Variants in RPL35A observed in about 807,000 individuals in gnomAD.
RPL35A encodes large ribosomal subunit protein eL33.
A neutral mutation model predicts 16.7 loss-of-function variants in RPL35A; 1 was observed. That is an observed-to-expected ratio of 0.06 (90% CI 0.02 to 0.28). The LOEUF (loss-of-function observed/expected upper bound fraction) is 0.28. Among genes scored for constraint, RPL35A ranks in the 10% least tolerant of loss-of-function variants. RPL35A has a pLI of 1.00. For missense variants in RPL35A, 91 were observed against 138.7 expected (o/e 0.66, Z 1.73); for synonymous variants, 58 against 47.0 (o/e 1.23, Z -0.96).
chr3:197,955,797 A>G lies in RPL35A; in HGVS notation c.*24A>G. 6.3e-7 allele frequency: 1 copy of G among 1,582,310 alleles called. No individual in the cohort carries two copies. Among genetic ancestry groups the G allele is most frequent in the Non-Finnish European group, 8.7e-7 (1 of 1,153,028 alleles). Reference sequence around the variant, plus strand: ...AAACTAACGAAAAATCAATAAATAAATGTGGATTTGTGCTCTTGTATTTTT... The same window carrying G: ...AAACTAACGAAAAATCAATAAATAAGTGTGGATTTGTGCTCTTGTATTTTT... On this transcript the variant is annotated 3_prime_UTR_variant, in exon 5 of 5. Coordinates refer to ENST00000647248, the MANE Select transcript of RPL35A (RefSeq NM_000996.4).
intron 3 of RPL35A, among the ~76,000 whole-genome samples, chr3:197,952,162 G>GT (rs1161903755): frequency 0.11 from 9,000 of 83,952 alleles, 2,293 homozygotes; most frequent in East Asian, 0.19. Context: ...AAAATTATGG[G>GT]TTTTTTTTTT....
intron 3 of RPL35A, 112 bp downstream of exon 3, chr3:197,951,423 C>G: frequency 1.6e-6 from 2 of 1,215,098 alleles, no homozygotes; most frequent in Non-Finnish European, 2.4e-6. Context: ...ACTTGGTCTC[C>G]CTCACCGAAA....
At chr3:197,953,069 G>C (rs1489680165) in intron 3 of RPL35A, among the ~76,000 whole-genome samples, 1 of 152,242 alleles carries the variant, frequency 6.6e-6, no homozygotes, top group Non-Finnish European at 1.5e-5. Context: ...AAAGTGCTGG[G>C]ATTACAGGCG....
intron 3 of RPL35A, chr3:197,951,703 ATTG>A: frequency 4.4e-6 from 1 of 226,338 alleles, no homozygotes; most frequent in Non-Finnish European, 9.0e-6. Context: ...AGTACTTGGT[ATTG>A]TTTTTTTGTT....
Position 197,951,248 on chromosome 3 carries a change from A to T in RPL35A, c.101A>T (p.Tyr34Phe), listed in dbSNP as rs773889184. The T allele has an allele frequency of 3.7e-6, 6 of 1,614,046 alleles. 1 individual carries two copies. In the East Asian group the frequency reaches 8.9e-5, roughly 24 times the overall value. ...HTALLKIEGV[Y>F]ARDETEFYLG... ...GCTCTTCTTAAAATTGAAGGTGTTT[A>T]CGCCCGAGATGAAACAGAATTCTAT... is the stretch of plus-strand genomic sequence containing the variant. The change falls in exon 3 of 5, where the codon TAC (tyrosine) becomes TTC (phenylalanine). Residue 34 changes from tyrosine (Y) to phenylalanine (F), a missense_variant. By Grantham distance (22) the Tyr-to-Phe change is conservative. Transcript: ENST00000647248.
chr3:197,950,948 C>T lies in RPL35A; in HGVS notation c.-20C>T, dbSNP rs754348900. On this transcript the variant is annotated 5_prime_UTR_variant, in exon 2 of 5. The change creates a new upstream start codon in the 5' untranslated region. Coordinates refer to ENST00000647248, the MANE Select transcript of RPL35A (RefSeq NM_000996.4). ...TGTTTGTTTTAAGGCCTGCTGGGAA[C>T]GGGACTTCTAAAAGGAACTATGTCT... 1.5e-5 allele frequency: 25 copies of T among 1,613,910 alleles called. No individual in the cohort carries two copies. The highest frequency in any genetic ancestry group is 1.8e-5 in the Non-Finnish European group (21 of 1,179,944).
intron 3 of RPL35A, 138 bp from the exon 4 acceptor site, chr3:197,953,865 A>G (rs1720320578): frequency 1.3e-6 from 1 of 776,538 alleles, no homozygotes. Flanking sequence ...TGTTGAATGA[A>G]TGGTGTTCTA....
intron 1 of RPL35A, chr3:197,950,647 T>C: frequency 2.1e-6 from 1 of 484,654 alleles, no homozygotes; most frequent in Non-Finnish European, 3.7e-6. Context: ...GAGTGTTGCC[T>C]ACTGATAACG....
intron 3 of RPL35A, among the ~76,000 whole-genome samples, chr3:197,952,930 A>G (rs934695894): frequency 6.6e-6 from 1 of 150,832 alleles, no homozygotes; most frequent in Non-Finnish European, 1.5e-5. Flanking sequence ...CTTCCCCAGT[A>G]GCTGGGATTA....
chr3:197,955,559 G>T (rs1720462510), intron 4 of RPL35A, among the ~76,000 whole-genome samples, 191 bp from the exon 5 acceptor site: 1 of 152,110 alleles, frequency 6.6e-6, no homozygotes, highest in African/African-American at 2.4e-5. Context: ...ACAGCACCTG[G>T]CCAGTACATG....
chr3:197,955,633 C>A, intron 4 of RPL35A, 117 bp from the exon 5 acceptor site: 1 of 944,590 alleles, frequency 1.1e-6, no homozygotes, highest in Non-Finnish European at 1.7e-6. Context: ...AAAAACTTTC[C>A]TTACCACTAG....
intron 1 of RPL35A, chr3:197,950,445 G>A (rs1445166759): frequency 7.5e-6 from 5 of 665,432 alleles, no homozygotes; most frequent in Non-Finnish European, 1.0e-5. Flanking sequence ...AAATTCCTGG[G>A]CCTGAACGGA....
At chr3:197,950,690 T>C (rs1015952672) in intron 1 of RPL35A, 1 of 537,130 alleles carries the variant, frequency 1.9e-6, no homozygotes, top group African/African-American at 1.9e-5. Flanking sequence ...CTGAGAGTCA[T>C]TTTTGTGACT....
chr3:197,955,273 CT>C (rs34024853), intron 4 of RPL35A, among the ~76,000 whole-genome samples: 284 of 143,634 alleles, frequency 2.0e-3, no homozygotes, highest in Middle Eastern at 3.6e-3. Context: ...TTTTCTTTTT[CT>C]TTTTTTTTTT....
Position 197,951,431 on chromosome 3 carries a change from A to C in RPL35A, c.164+120A>C, listed in dbSNP as rs1196807891. On this transcript the variant is annotated intron_variant, in intron 3 of 4. Coordinates refer to ENST00000647248, the MANE Select transcript of RPL35A (RefSeq NM_000996.4). Reference sequence around the variant, plus strand: ...TGCAGTGACTTGGTCTCCCTCACCGAAACCTCCGCCTCCCGGGTTCAAGCA... The same window carrying C: ...TGCAGTGACTTGGTCTCCCTCACCGCAACCTCCGCCTCCCGGGTTCAAGCA... The C allele has an allele frequency of 3.7e-6, 4 of 1,093,938 alleles. No individual in the cohort carries two copies. The East Asian group carries it at 9.6e-5, about 26-fold the overall frequency. 67.8% of individuals were successfully genotyped at this position (1,093,938 alleles called of 1,614,324 possible). A position where few individuals can be genotyped will look rare whatever the true frequency, so the allele number is the denominator to read the frequency against.
intron 4 of RPL35A, among the ~76,000 whole-genome samples, chr3:197,954,858 G>T (rs1244691311): frequency 1.3e-5 from 2 of 152,148 alleles, no homozygotes; most frequent in African/African-American, 4.8e-5. Flanking sequence ...TGAAGTAATT[G>T]TTAGAAAGCA....
chr3:197,956,575 T>C lies in RPL35A; in HGVS notation c.*802T>C, dbSNP rs1435481438. 4.0e-5 allele frequency: 6 copies of C among 151,656 alleles called. No homozygotes were observed. The highest frequency in any genetic ancestry group is 8.8e-5 in the Non-Finnish European group (6 of 67,982). 9.4% of individuals were successfully genotyped at this position (151,656 alleles called of 1,614,324 possible). A position where few individuals can be genotyped will look rare whatever the true frequency, so the allele number is the denominator to read the frequency against. On this transcript the variant is annotated 3_prime_UTR_variant, in exon 5 of 5. Transcript: ENST00000647248. ...AGGCCTCCTAAATATTTTAGATTTC[T>C]TGGGGATATGCTAAAATAAAACAAC... is the stretch of plus-strand genomic sequence containing the variant.
rs190908019 is a variant in RPL35A at position 197,953,387 on chromosome 3, A to C, written c.165-616A>C. 108 of 455,728 alleles carry C rather than the reference A, an allele frequency of 2.4e-4. No homozygotes were observed. The East Asian group carries it at 7.3e-3, about 31-fold the overall frequency. 28.2% of individuals were successfully genotyped at this position (455,728 alleles called of 1,614,324 possible). A position where few individuals can be genotyped will look rare whatever the true frequency, so the allele number is the denominator to read the frequency against. ...CAACCCCGTGGTCTTTAAAGGAAAT[A>C]TATATAAAGTCATATCCTTTGTACA... On this transcript the variant is annotated intron_variant, in intron 3 of 4. Coordinates refer to ENST00000647248, the MANE Select transcript of RPL35A (RefSeq NM_000996.4).
At position 197,956,252 on chromosome 3, in the gene RPL35A, C is replaced by G. The variant is rs1341821279; in HGVS notation, c.*479C>G. On this transcript the variant is annotated 3_prime_UTR_variant, in exon 5 of 5. Coordinates refer to ENST00000647248, the MANE Select transcript of RPL35A (RefSeq NM_000996.4). ...TACAGTTATGAGCCACCACACCTGC[C>G]AAGTGCTTTGTGATACTATGCATTT... 1.1e-5 allele frequency: 2 copies of G among 181,566 alleles called. No homozygotes were observed. The highest frequency in any genetic ancestry group is 4.7e-5 in the African/African-American group (2 of 42,462). 11.2% of individuals were successfully genotyped at this position (181,566 alleles called of 1,614,324 possible).
Sources: allele counts gnomAD v4.1 joint callset (sites outside exome capture counted in the v4.1 genomes callset), GRCh38; gene constraint gnomAD v4.1.1; transcripts MANE v1.5; gene names NCBI Gene and HGNC (gene_info 2026-07-23, HGNC 2026-07-21).